The following RANBP9 variants were observed in gnomAD, a reference collection of about 807,000 sequenced individuals.
RANBP9 encodes the protein RAN binding protein 9.
In RANBP9, 15 loss-of-function variants were observed where a neutral mutation model predicts 84.3. The ratio of observed to expected loss-of-function variants is 0.18; its 90% CI spans 0.12 to 0.27. The LOEUF is 0.27. Among genes scored for constraint, RANBP9 ranks in the 10% least tolerant of loss-of-function variants. The pLI, the probability that RANBP9 is intolerant of heterozygous loss-of-function variation, is 1.00. For synonymous variants in RANBP9, 392 were observed against 349.6 expected, an observed-to-expected ratio of 1.12 and a Z score of -1.35; for missense variants, 809 against 912.8, an observed-to-expected ratio of 0.89 and a Z score of 1.46.
chr6:13,675,537 A>G (rs1765868896), intron 2 of RANBP9, among the ~76,000 whole-genome samples: 1 of 152,194 alleles, frequency 6.6e-6, no homozygotes, highest in South Asian at 2.1e-4. Flanking sequence ...ATGGTGATCT[A>G]AAAATCAATG....
intron 2 of RANBP9, among the ~76,000 whole-genome samples, chr6:13,673,162 ACACT>A (rs948318546): frequency 4.6e-5 from 7 of 152,136 alleles, no homozygotes; most frequent in South Asian, 2.1e-4. Context: ...ACAAAACAAA[ACACT>A]CACTCTATAT....
chr6:13,683,749 C>G (rs1480315122), intron 2 of RANBP9, among the ~76,000 whole-genome samples: 1 of 150,984 alleles, frequency 6.6e-6, no homozygotes. Flanking sequence ...GAATGCATTA[C>G]CTTGTAATTG....
intron 1 of RANBP9, among the ~76,000 whole-genome samples, chr6:13,700,345 T>C (rs1380622698): frequency 6.6e-6 from 1 of 152,196 alleles, no homozygotes; most frequent in Non-Finnish European, 1.5e-5. Flanking sequence ...ACACGCTTCC[T>C]GAGCACCTTG....
At position 13,644,694 on chromosome 6, in the gene RANBP9, T is replaced by C; in HGVS notation, c.963A>G (p.Pro321=). 6.2e-7 allele frequency: 1 copy of C among 1,612,354 alleles called. No individual in the cohort carries two copies. Among genetic ancestry groups the C allele is most frequent in the South Asian group, 1.1e-5 (1 of 90,730 alleles). The change falls in exon 6 of 14, where the codon CCA becomes CCG. Residue 321 remains proline, a synonymous_variant. Coordinates refer to ENST00000011619, the MANE Select transcript of RANBP9 (RefSeq NM_005493.3). ...NLYPTVGLQT[P]GEVVDANFGQ... is the part of the protein sequence containing the mutation. ...CAAAATTGGCATCGACCACTTCTCCTGGTGTTTGAAGCCCCACAGTAGGAT... is the reference window on the plus strand; with the variant it reads ...CAAAATTGGCATCGACCACTTCTCCCGGTGTTTGAAGCCCCACAGTAGGAT...
chr6:13,690,700 A>G (rs1004389019), intron 2 of RANBP9, among the ~76,000 whole-genome samples: 2 of 152,198 alleles, frequency 1.3e-5, no homozygotes, highest in African/African-American at 4.8e-5. Context: ...TCACATTTAG[A>G]ATTAACAGTA....
chr6:13,685,011 A>T (rs760986437), intron 2 of RANBP9, among the ~76,000 whole-genome samples: 5 of 152,298 alleles, frequency 3.3e-5, no homozygotes, highest in Non-Finnish European at 7.4e-5. Flanking sequence ...CTCACTAGTG[A>T]TTCCTTCTCC....
chr6:13,650,821 G>A (rs1034334047), intron 5 of RANBP9, among the ~76,000 whole-genome samples: 3 of 152,024 alleles, frequency 2.0e-5, no homozygotes, highest in African/African-American at 7.2e-5. Context: ...AAAATCAGTC[G>A]GGCATGCTGG....
chr6:13,648,483 G>A (rs562677410), intron 5 of RANBP9, among the ~76,000 whole-genome samples: 99 of 152,218 alleles, frequency 6.5e-4, no homozygotes, highest in African/African-American at 2.3e-3. Flanking sequence ...CATCCATGCA[G>A]CAGGTGCATT....
chr6:13,688,982 C>CA (rs1164073062), intron 2 of RANBP9, among the ~76,000 whole-genome samples: 541 of 29,884 alleles, frequency 0.018, 11 homozygotes, highest in Middle Eastern at 0.04. Context: ...CCCATCTCCA[C>CA]AAAAAAAAAA....
intron 2 of RANBP9, among the ~76,000 whole-genome samples, chr6:13,674,237 G>A (rs762255441): frequency 5.9e-5 from 9 of 152,022 alleles, no homozygotes; most frequent in Non-Finnish European, 1.0e-4. Context: ...TGACAAGAGT[G>A]AACAAAAAGA....
chr6:13,672,795 A>G (rs1183474400), intron 2 of RANBP9, among the ~76,000 whole-genome samples: 4 of 152,212 alleles, frequency 2.6e-5, no homozygotes, highest in Admixed American at 2.6e-4. Flanking sequence ...ACAAAATGCT[A>G]GAAATAAAAA....
intron 5 of RANBP9, among the ~76,000 whole-genome samples, chr6:13,649,109 G>C (rs1765236745): frequency 6.6e-6 from 1 of 152,190 alleles, no homozygotes; most frequent in Non-Finnish European, 1.5e-5. Context: ...TAGCTTGTGA[G>C]AGATCACAGG....
chr6:13,622,138 T>C lies in RANBP9; in HGVS notation c.*224A>G, dbSNP rs538793199. The C allele has an allele frequency of 1.2e-5, 4 of 340,366 alleles. No individual in the cohort carries two copies. The South Asian group carries it at 5.6e-4, about 48-fold the overall frequency. 21.1% of individuals were successfully genotyped at this position (340,366 alleles called of 1,614,324 possible). On this transcript the variant is annotated 3_prime_UTR_variant, in exon 14 of 14. Coordinates refer to ENST00000011619, the MANE Select transcript of RANBP9 (RefSeq NM_005493.3). ...TTTGAACGTCTGAAATTCAGTAATA[T>C]TTAACTCTTAGACAACTAAGAGGTT...
chr6:13,651,568 G>T (rs867685293), intron 5 of RANBP9, among the ~76,000 whole-genome samples: 2 of 151,134 alleles, frequency 1.3e-5, no homozygotes, highest in African/African-American at 4.9e-5. Context: ...CTAATTTTTT[G>T]TATTTTTTTT....
chr6:13,635,845 G>A (rs1006870107), intron 10 of RANBP9, among the ~76,000 whole-genome samples: 8 of 148,352 alleles, frequency 5.4e-5, no homozygotes, highest in African/African-American at 2.0e-4. Flanking sequence ...TTTAGTATTT[G>A]GAAGGAACTC....
intron 2 of RANBP9, among the ~76,000 whole-genome samples, chr6:13,669,838 T>C (rs1216812444): frequency 6.6e-6 from 1 of 152,056 alleles, no homozygotes; most frequent in Non-Finnish European, 1.5e-5. Context: ...AGCAATACTG[T>C]CCACCTTGGC....
At position 13,711,700 on chromosome 6, in the gene RANBP9, G is replaced by A. The variant is rs1373196451; in HGVS notation, c.-195C>T. The A allele has an allele frequency of 1.8e-5, 6 of 335,626 alleles. No homozygotes were observed. The highest frequency in any genetic ancestry group is 2.2e-5 in the African/African-American group (1 of 45,512). 20.8% of individuals were successfully genotyped at this position (335,626 alleles called of 1,614,324 possible). A position where few individuals can be genotyped will look rare whatever the true frequency, so the allele number is the denominator to read the frequency against. On this transcript the variant is annotated 5_prime_UTR_variant, in exon 1 of 14. Transcript: ENST00000011619. ...GACGCGGGAGTAGGCGGCGGGCCCGGGAGGCCGGGAGAGAACGTTGGCCGG... is the reference window on the plus strand; with the variant it reads ...GACGCGGGAGTAGGCGGCGGGCCCGAGAGGCCGGGAGAGAACGTTGGCCGG...
intron 2 of RANBP9, among the ~76,000 whole-genome samples, chr6:13,693,884 A>T (rs963393451): frequency 6.6e-5 from 10 of 152,052 alleles, no homozygotes; most frequent in African/African-American, 2.4e-4. Context: ...CTCTACTAAA[A>T]ATACAAAAAT....
chr6:13,687,560 A>C (rs1233366867), intron 2 of RANBP9, among the ~76,000 whole-genome samples: 2 of 152,148 alleles, frequency 1.3e-5, no homozygotes, highest in Non-Finnish European at 2.9e-5. Context: ...TAATCTTCTA[A>C]GACAAAAGCT....
Sources: allele counts gnomAD v4.1 joint callset (sites outside exome capture counted in the v4.1 genomes callset), GRCh38; gene constraint gnomAD v4.1.1; transcripts MANE v1.5; gene names NCBI Gene and HGNC (gene_info 2026-07-23, HGNC 2026-07-21).